SNX6: variants seen among roughly 807,000 people sequenced by gnomAD.
SNX6 encodes sorting nexin-6.
Under a neutral mutation model 63.0 loss-of-function variants are expected in SNX6, and 34 were observed. The observed-to-expected ratio is 0.54, with a 90% CI of 0.41 to 0.72. The LOEUF (loss-of-function observed/expected upper bound fraction) is 0.72. Among genes scored for constraint, SNX6 ranks in the 30% least tolerant of loss-of-function variants. The pLI is 0.00. For missense variants in SNX6, 398 were observed against 471.4 expected (o/e 0.84, Z 1.44); for synonymous variants, 170 against 164.2 (o/e 1.04, Z -0.27).
chr14:34,596,112 C>T (rs886550837), intron 7 of SNX6, among the ~76,000 whole-genome samples: 1 of 151,686 alleles, frequency 6.6e-6, no homozygotes, highest in Admixed American at 6.6e-5. Context: ...CCCAGCTACT[C>T]CGGAGGCTGA....
At chr14:34,603,587 A>T in intron 5 of SNX6, 116 bp from the exon 6 acceptor site, 5 of 824,566 alleles carry the variant, frequency 6.1e-6, no homozygotes, top group Non-Finnish European at 8.8e-6. Flanking sequence ...CAGAGATACA[A>T]AGATATAATT....
chr14:34,588,619 A>G (rs778163382), intron 8 of SNX6, among the ~76,000 whole-genome samples: 2 of 152,210 alleles, frequency 1.3e-5, no homozygotes, highest in Non-Finnish European at 2.9e-5. Flanking sequence ...CTAAAGATGT[A>G]TAAGATCTAT....
chr14:34,614,501 G>A (rs1053700733), intron 2 of SNX6, among the ~76,000 whole-genome samples: 7 of 151,770 alleles, frequency 4.6e-5, no homozygotes, highest in Non-Finnish European at 7.4e-5. Context: ...AAACAGGAAC[G>A]TCAGGCAAAG....
chr14:34,582,285 C>T (rs533323293), intron 9 of SNX6, among the ~76,000 whole-genome samples: 1 of 151,868 alleles, frequency 6.6e-6, no homozygotes, highest in South Asian at 2.1e-4. Context: ...GCAGCTGCCC[C>T]CATGCCTGGC....
Position 34,597,570 on chromosome 14 carries a change from C to T in SNX6, c.592G>A (p.Val198Ile), listed in dbSNP as rs1882653399. The T allele has an allele frequency of 1.2e-6, 2 of 1,602,020 alleles. No homozygotes were observed. Among genetic ancestry groups the T allele is most frequent in the Non-Finnish European group, 1.7e-6 (2 of 1,170,930 alleles). Residue 198 changes from valine (V) to isoleucine (I), a missense_variant, in exon 7 of 14, where the codon GTA becomes ATA. Physicochemically the swap from Val to Ile is conservative, Grantham distance 29. Transcript: ENST00000362031. ...FKNMVKSADG[V>I]IVSGVKDVDD... Reference sequence around the variant, plus strand: ...CTTACCTTTACTCCTGAAACGATTACTCCATCTGCTGATTTAACCATGTTT... The same window carrying T: ...CTTACCTTTACTCCTGAAACGATTATTCCATCTGCTGATTTAACCATGTTT...
intron 10 of SNX6, among the ~76,000 whole-genome samples, chr14:34,576,448 ATATATTTT>A (rs752679043): frequency 5.8e-4 from 56 of 96,056 alleles, no homozygotes; most frequent in Non-Finnish European, 1.1e-3. Context: ...ATATATATAT[ATATATTTT>A]TTTTTTTTTT....
intron 7 of SNX6, among the ~76,000 whole-genome samples, chr14:34,596,586 T>C (rs1292724459): frequency 2.2e-5 from 3 of 139,298 alleles, no homozygotes; most frequent in Admixed American, 7.5e-5. Context: ...GCCACTGCAC[T>C]CCAGCCTGGG....
intron 2 of SNX6, among the ~76,000 whole-genome samples, chr14:34,621,349 C>A (rs1054044497): frequency 3.9e-5 from 6 of 152,182 alleles, no homozygotes; most frequent in African/African-American, 1.4e-4. Context: ...CCCTTGGGTG[C>A]TAGCTAATAT....
intron 11 of SNX6, among the ~76,000 whole-genome samples, chr14:34,569,569 G>T (rs1881350949): frequency 6.6e-6 from 1 of 152,220 alleles, no homozygotes; most frequent in South Asian, 2.1e-4. Context: ...TGGGACTACA[G>T]GCGTGTGCCA....
At chr14:34,563,765 G>A (rs1374208386) in intron 13 of SNX6, among the ~76,000 whole-genome samples, 1 of 150,718 alleles carries the variant, frequency 6.6e-6, no homozygotes, top group Non-Finnish European at 1.5e-5. Flanking sequence ...CTGAGATGGA[G>A]TATCACTCTG....
chr14:34,629,926 AG>A lies in SNX6; in HGVS notation c.34del (p.Leu12SerfsTer11). ...ACTTACTCCGCGGTCCTCTTCTGAG[AG>A]GAAGTCCGGGCCGTCGTCCAGGCCT... ...MEGLDDGPDF[L>X]SEEDRGLKAI... On this transcript the variant is annotated frameshift_variant, in exon 2 of 14. Transcript: ENST00000362031. LOFTEE classifies it high-confidence loss of function. The A allele has an allele frequency of 6.4e-7, 1 of 1,552,616 alleles. No individual in the cohort carries two copies. Among genetic ancestry groups the A allele is most frequent in the Non-Finnish European group, 8.7e-7 (1 of 1,150,660 alleles).
At chr14:34,607,887 A>G in intron 4 of SNX6, 143 bp downstream of exon 4, 1 of 443,266 alleles carries the variant, frequency 2.3e-6, no homozygotes. Flanking sequence ...CAGCCTGGGC[A>G]ACAGAGTGAG....
At chr14:34,584,766 G>C (rs60403357) in intron 9 of SNX6, among the ~76,000 whole-genome samples, 1 of 151,722 alleles carries the variant, frequency 6.6e-6, no homozygotes, top group South Asian at 2.1e-4. Context: ...TATATATAGA[G>C]AGAGAGAGTA....
At chr14:34,572,437 G>T (rs1003501286) in intron 11 of SNX6, among the ~76,000 whole-genome samples, 2 of 151,950 alleles carry the variant, frequency 1.3e-5, no homozygotes, top group African/African-American at 4.8e-5. Context: ...CTTCAAAAGT[G>T]AGTATTTTAG....
chr14:34,626,688 G>C (rs1180109251), intron 2 of SNX6, among the ~76,000 whole-genome samples: 1 of 146,460 alleles, frequency 6.8e-6, no homozygotes, highest in Non-Finnish European at 1.5e-5. Flanking sequence ...AAAAGAGAAA[G>C]TTTCTGGACA....
chr14:34,569,461 T>C (rs1363709206), intron 11 of SNX6, among the ~76,000 whole-genome samples: 2 of 151,932 alleles, frequency 1.3e-5, no homozygotes, highest in African/African-American at 4.8e-5. Flanking sequence ...GGAGTCTCAC[T>C]CTGTTGCTTA....
At chr14:34,588,766 C>CAATCCCAATCAA (rs770045057) in intron 8 of SNX6, among the ~76,000 whole-genome samples, 1 of 152,158 alleles carries the variant, frequency 6.6e-6, no homozygotes, top group Non-Finnish European at 1.5e-5. Context: ...AGAATCTACA[C>CAATCCCAATCAA]AATCCCAATC....
chr14:34,624,412 T>C (rs1883744922), intron 2 of SNX6, among the ~76,000 whole-genome samples: 1 of 152,222 alleles, frequency 6.6e-6, no homozygotes, highest in Non-Finnish European at 1.5e-5. Context: ...AAACAATGTT[T>C]TCTTAGGGCA....
At position 34,575,789 on chromosome 14, in the gene SNX6, T is replaced by C. The variant is rs774662473; in HGVS notation, c.888A>G (p.Leu296=). Residue 296 remains leucine, a synonymous_variant, in exon 11 of 14, where the codon TTA becomes TTG. Coordinates refer to ENST00000362031, the MANE Select transcript of SNX6 (RefSeq NM_152233.4). ...ADEDLKLSDL[L]KYYLRESQAA... ...CTTGAGATTCTCTTAAGTAATATTT[T>C]AAAAGATCAGAAAGTTTGAGGTCTT... The C allele has an allele frequency of 6.3e-7, 1 of 1,597,028 alleles. No homozygotes were observed. Among genetic ancestry groups the C allele is most frequent in the Non-Finnish European group, 8.5e-7 (1 of 1,172,204 alleles).
Sources: allele counts gnomAD v4.1 joint callset (sites outside exome capture counted in the v4.1 genomes callset), GRCh38; gene constraint gnomAD v4.1.1; transcripts MANE v1.5; gene names NCBI Gene and HGNC (gene_info 2026-07-23, HGNC 2026-07-21).